METTL27: variants seen among roughly 807,000 people sequenced by gnomAD.
METTL27 encodes the protein methyltransferase-like protein 27.
A neutral mutation model predicts 24.5 loss-of-function variants in METTL27; 29 were observed. That is an observed-to-expected ratio of 1.18 (90% CI 0.88 to 1.61). The LOEUF (loss-of-function observed/expected upper bound fraction) is 1.61. METTL27 is among the 40% of genes most tolerant of loss of function. The pLI is 0.00. For missense variants in METTL27, 341 were observed against 324.3 expected (o/e 1.05, Z -0.40); for synonymous variants, 138 against 146.8 (o/e 0.94, Z 0.43).
In METTL27 at chr7:73,840,511, A is replaced by G; in HGVS notation, c.291T>C (p.Asp97=). Residue 97 remains aspartate, a synonymous_variant, in exon 4 of 6, where the codon GAT becomes GAC. Transcript: ENST00000297873. ...CCTGTTCCAGCATCCCTGGGCTCCC[A>G]TCCACCCCATGCAGCTGGAGGAAGC... ...APGFLQLHGV[D]GSPGMLEQAQ... is the part of the protein sequence containing the mutation. 6.2e-6 allele frequency: 10 copies of G among 1,610,484 alleles called. No homozygotes were observed. Among genetic ancestry groups the G allele is most frequent in the Non-Finnish European group, 7.6e-6 (9 of 1,178,772 alleles).
Position 73,835,172 on chromosome 7 carries a change from C to G in METTL27, c.479-170G>C, listed in dbSNP as rs1397309010. 6 of 766,496 alleles carry G rather than the reference C, an allele frequency of 7.8e-6. No individual in the cohort carries two copies. In the African/African-American group the frequency reaches 1.4e-4, roughly 18 times the overall value. The allele number at this position is 766,496 out of a possible 1,614,324, so 47.5% of individuals were successfully genotyped here. ...CTCCCTCCTCTCCCTCCTCTCCCTC[C>G]TCTCCCTCCTCTCCCTCCTCTCCCT... On this transcript the variant is annotated intron_variant, in intron 5 of 5. Coordinates refer to ENST00000297873, the MANE Select transcript of METTL27 (RefSeq NM_152559.3).
At chr7:73,835,099 G>C (rs928237713) in intron 5 of METTL27, 97 bp from the exon 6 acceptor site, 12 of 1,456,528 alleles carry the variant, frequency 8.2e-6, no homozygotes, top group Non-Finnish European at 1.1e-5. Flanking sequence ...CAAGAAATTC[G>C]ACTTAAAAGA....
In METTL27 at chr7:73,840,025, C is replaced by T. The variant is rs782666653; in HGVS notation, c.478+6G>A. The stretch of plus-strand genomic sequence containing the variant: ...GTTGGGGGTGGTTGGCTGGGCTGCT[C>T]CTCACCTGGCTTGGTGACATGTAGC... On this transcript the variant is annotated splice_donor_region_variant and intron_variant, in intron 5 of 5. Transcript: ENST00000297873. 5.0e-6 allele frequency: 8 copies of T among 1,605,194 alleles called. No homozygotes were observed. The highest frequency in any genetic ancestry group is 6.8e-6 in the Non-Finnish European group (8 of 1,175,254).
intron 5 of METTL27, among the ~76,000 whole-genome samples, chr7:73,835,996 G>T (rs1427424561): frequency 9.2e-6 from 1 of 108,658 alleles, no homozygotes; most frequent in East Asian, 2.5e-4. Context: ...CGTCTGGGAA[G>T]TGAGGAGCCC....
chr7:73,834,785 A>G lies in METTL27; in HGVS notation c.696T>C (p.Ser232=). The G allele has an allele frequency of 6.2e-7, 1 of 1,614,170 alleles. No individual in the cohort carries two copies. Among genetic ancestry groups the G allele is most frequent in the Non-Finnish European group, 8.5e-7 (1 of 1,180,032 alleles). ...GTCGCCTTCCACTTTCGGTACAGGT[A>G]GACAATGCCGGAGATGAAGCCATCC... ...LPRMASSPAL[S]TCTESGRRPR... is the part of the protein sequence containing the mutation. The change falls in exon 6 of 6, where the codon TCT becomes TCC. Residue 232 remains serine (S), a synonymous_variant. Transcript: ENST00000297873.
chr7:73,841,445 C>T (rs1033439171), intron 2 of METTL27, among the ~76,000 whole-genome samples: 2 of 150,518 alleles, frequency 1.3e-5, no homozygotes, highest in Admixed American at 6.6e-5. Context: ...CCTGGCCAAG[C>T]GGCTCTCTCT....
At chr7:73,839,819 T>C (rs1357835287) in intron 5 of METTL27, 3 of 464,856 alleles carry the variant, frequency 6.5e-6, no homozygotes, top group South Asian at 4.2e-5. Context: ...TGGTTGTCCA[T>C]GGATAAGAGC....
At chr7:73,838,928 G>A (rs1235602693) in intron 5 of METTL27, among the ~76,000 whole-genome samples, 1 of 152,104 alleles carries the variant, frequency 6.6e-6, no homozygotes, top group Non-Finnish European at 1.5e-5. Context: ...TCTCCTTTCT[G>A]CCTTAGGGTG....
Position 73,840,468 on chromosome 7 carries a change from A to G in METTL27, c.334T>C (p.Tyr112His). 1 of 1,607,644 alleles carries G rather than the reference A, an allele frequency of 6.2e-7. No homozygotes were observed. The highest frequency in any genetic ancestry group is 8.5e-7 in the Non-Finnish European group (1 of 1,177,706). Residue 112 changes from tyrosine to histidine, a missense_variant, in exon 4 of 6, where the codon TAT (tyrosine) becomes CAT (histidine). Transcript: ENST00000297873. ...AGGGTGCAGAGGCTGAGGCGCTGAT[A>G]GAGGCCGGGGGCCTGGGCCTGTTCC... ...MLEQAQAPGLYQRLSLCTLGQ... is the reference protein window; with the variant it reads ...MLEQAQAPGLHQRLSLCTLGQ...
intron 5 of METTL27, among the ~76,000 whole-genome samples, chr7:73,836,437 C>A (rs1364228621): frequency 7.0e-6 from 1 of 143,800 alleles, no homozygotes; most frequent in African/African-American, 2.6e-5. Context: ...CCAGCCGCCC[C>A]GTCCGGGAGG....
chr7:73,834,614 C>T lies in METTL27; in HGVS notation c.*129G>A. 1.3e-6 allele frequency: 1 copy of T among 745,318 alleles called. No individual in the cohort carries two copies. The highest frequency in any genetic ancestry group is 2.7e-5 in the East Asian group (1 of 37,100). 46.2% of individuals were successfully genotyped at this position (745,318 alleles called of 1,614,324 possible). A position where few individuals can be genotyped will look rare whatever the true frequency, so the allele number is the denominator to read the frequency against. ...GTTTTCTGGGAGCTCATTTAATAGG[C>T]AGGGCATTTCTGAGGGGCAGGGTTG... On this transcript the variant is annotated 3_prime_UTR_variant, in exon 6 of 6. Transcript: ENST00000297873.
In METTL27 at chr7:73,837,447, G is replaced by T. The variant is rs1788242079; in HGVS notation, c.479-2445C>A. Among the ~76,000 whole-genome samples, 4 of 117,068 alleles carry T rather than the reference G, an allele frequency of 3.4e-5. No individual in the cohort carries two copies. The South Asian group carries it at 1.1e-3, about 31-fold the overall frequency. 76.8% of individuals were successfully genotyped at this position (117,068 alleles called of 152,430 possible). ...ACATGTTACTGTGGAAACAAAAAGT[G>T]AAAATAAAACCTAATTAATGTTCCA... On this transcript the variant is annotated intron_variant, in intron 5 of 5. Transcript: ENST00000297873.
At chr7:73,839,788 A>G (rs1788298317) in intron 5 of METTL27, 1 of 460,490 alleles carries the variant, frequency 2.2e-6, no homozygotes, top group Non-Finnish European at 3.8e-6. Flanking sequence ...AGGAGGCTGC[A>G]GAGGAGGGTG....
Position 73,840,025 on chromosome 7 carries a change from C to G in METTL27, c.478+6G>C, listed in dbSNP as rs782666653. The G allele has an allele frequency of 4.4e-6, 7 of 1,605,312 alleles. No homozygotes were observed. The South Asian group carries it at 7.8e-5, about 18-fold the overall frequency. On this transcript the variant is annotated splice_donor_region_variant and intron_variant, in intron 5 of 5. Transcript: ENST00000297873. ...GTTGGGGGTGGTTGGCTGGGCTGCT[C>G]CTCACCTGGCTTGGTGACATGTAGC...
At chr7:73,840,926 G>T in intron 3 of METTL27, 144 bp downstream of exon 3, 1 of 1,293,320 alleles carries the variant, frequency 7.7e-7, no homozygotes, top group Non-Finnish European at 1.0e-6. Context: ...CTCCCATAGT[G>T]TGAGCCACAG....
At chr7:73,839,838 C>CCACCT in intron 5 of METTL27, 193 bp downstream of exon 5, 1 of 517,496 alleles carries the variant, frequency 1.9e-6, no homozygotes, top group Admixed American at 3.6e-5. Flanking sequence ...GCCGAGCTGG[C>CCACCT]CACCTGTCTG....
At position 73,840,439 on chromosome 7, in the gene METTL27, G is replaced by A; in HGVS notation, c.363C>T (p.Gly121=). ...LYQRLSLCTL[G]QEPLPSPEGT... ...CTTCCGGGCTGGGCAGAGGCTCCTG[G>A]CCCAGGGTGCAGAGGCTGAGGCGCT... is the stretch of plus-strand genomic sequence containing the variant. The change falls in exon 4 of 6, where the codon GGC becomes GGT. Residue 121 remains glycine, a synonymous_variant. Coordinates refer to ENST00000297873, the MANE Select transcript of METTL27 (RefSeq NM_152559.3). 1 of 1,592,068 alleles carries A rather than the reference G, an allele frequency of 6.3e-7. No individual in the cohort carries two copies. The highest frequency in any genetic ancestry group is 8.5e-7 in the Non-Finnish European group (1 of 1,170,006).
intron 3 of METTL27, 152 bp from the exon 4 acceptor site, chr7:73,840,701 C>A: frequency 8.5e-7 from 1 of 1,173,130 alleles, no homozygotes; most frequent in Non-Finnish European, 1.2e-6. Context: ...CTCTGTCGCC[C>A]AAACTGGAGT....
intron 5 of METTL27, among the ~76,000 whole-genome samples, chr7:73,835,361 T>C (rs1380942829): frequency 1.4e-5 from 2 of 144,286 alleles, no homozygotes; most frequent in East Asian, 2.0e-4. Flanking sequence ...GTGCCTGTGA[T>C]TGCAGACTCG....
Sources: gnomAD v4.1 joint callset for allele counts (sites outside exome capture counted in the v4.1 genomes callset) on GRCh38, gnomAD v4.1.1 for gene constraint, MANE v1.5 for transcripts, NCBI Gene and HGNC (gene_info 2026-07-23, HGNC 2026-07-21) for gene names.